Variants in GRAMD4 observed in about 807,000 individuals in gnomAD.
The protein encoded by GRAMD4 is GRAM domain-containing protein 4.
In GRAMD4, 25 loss-of-function variants were observed where a neutral mutation model predicts 83.9. That is an observed-to-expected ratio of 0.30 (90% CI 0.22 to 0.42). The LOEUF (loss-of-function observed/expected upper bound fraction) is 0.42. Among genes scored for constraint, GRAMD4 ranks in the 10% least tolerant of loss-of-function variants. The pLI is 1.00. For synonymous variants in GRAMD4, 336 were observed against 320.9 expected (o/e 1.05, Z -0.50); for missense variants, 593 against 788.7 (o/e 0.75, Z 2.97).
At chr22:46,674,007 A>T (rs552388812) in intron 15 of GRAMD4, among the ~76,000 whole-genome samples, 193 bp downstream of exon 15, 1 of 152,324 alleles carries the variant, frequency 6.6e-6, no homozygotes, top group African/African-American at 2.4e-5. Flanking sequence ...GCTACAGGGG[A>T]GGAGGGCGTG....
At chr22:46,600,465 C>G (rs1406436675) in intron 1 of GRAMD4, among the ~76,000 whole-genome samples, 1 of 152,200 alleles carries the variant, frequency 6.6e-6, no homozygotes, top group Non-Finnish European at 1.5e-5. Flanking sequence ...TGGCTTCATT[C>G]CCGTGATGAG....
downstream of GRAMD4, among the ~76,000 whole-genome samples, chr22:46,680,565 T>TCCGC (rs2082656221): frequency 8.9e-6 from 1 of 112,270 alleles, no homozygotes; most frequent in Non-Finnish European, 1.9e-5. Context: ...CGTCCGTCCG[T>TCCGC]CCATCCATCC....
intron 13 of GRAMD4, among the ~76,000 whole-genome samples, chr22:46,669,182 G>A (rs185071434): frequency 3.0e-4 from 45 of 152,298 alleles, no homozygotes; most frequent in African/African-American, 1.0e-3. Context: ...ACCCAGGATA[G>A]CAGGACTTGG....
chr22:46,672,835 G>T lies in GRAMD4; in HGVS notation c.1085-8G>T. 3.1e-6 allele frequency: 5 copies of T among 1,609,306 alleles called. No individual in the cohort carries two copies. Among genetic ancestry groups the T allele is most frequent in the Non-Finnish European group, 4.2e-6 (5 of 1,177,046 alleles). On this transcript the variant is annotated splice_region_variant and splice_polypyrimidine_tract_variant and intron_variant, in intron 13 of 18. Coordinates refer to ENST00000406902, the MANE Select transcript of GRAMD4 (RefSeq NM_015124.5). The surrounding 1 kb of genome is among the most constrained non-coding windows in gnomAD (Gnocchi z 4.7). ...CTAGATGGAGCAGGCTGTGTCCCCTGCCCTCAGGACTCTATGCTGGTATCA... is the reference window on the plus strand; with the variant it reads ...CTAGATGGAGCAGGCTGTGTCCCCTTCCCTCAGGACTCTATGCTGGTATCA...
chr22:46,607,900 G>A (rs373671571), intron 1 of GRAMD4, among the ~76,000 whole-genome samples: 36 of 152,262 alleles, frequency 2.4e-4, no homozygotes, highest in South Asian at 1.7e-3. Context: ...CTGCGGTGCC[G>A]CGACTGCTCC....
In GRAMD4 at chr22:46,596,331, G is replaced by C. The variant is rs1008848440; in HGVS notation, c.-50+19041G>C. Among the ~76,000 whole-genome samples, 14 of 152,266 alleles carry C rather than the reference G, an allele frequency of 9.2e-5. 1 individual carries two copies. Among genetic ancestry groups the C allele is most frequent in the Admixed American group, 6.5e-5 (1 of 15,292 alleles). On this transcript the variant is annotated intron_variant, in intron 1 of 1. Coordinates refer to the GRAMD4 transcript ENST00000431155. Reference sequence around the variant, plus strand: ...AGACGTAAGTGTGGCCAGGATGACAGATGTCCCTGGCGGCCCTTTCTGCAG... The same window carrying C: ...AGACGTAAGTGTGGCCAGGATGACACATGTCCCTGGCGGCCCTTTCTGCAG...
At position 46,677,149 on chromosome 22, in the gene GRAMD4, G is replaced by A. The variant is rs148851544; in HGVS notation, c.1635G>A (p.Pro545=). The change falls in exon 19 of 19, where the codon CCG becomes CCA. Residue 545 remains proline, a splice_region_variant and synonymous_variant. Coordinates refer to ENST00000406902, the MANE Select transcript of GRAMD4 (RefSeq NM_015124.5). ...TGGTGGCATTTCTTCCCTGCCAGCC[G>A]CTCGTGTTTGGTGCCATGGTGCACA... The part of the protein sequence containing the change: ...IAVSTPSTQK[P]LVFGAMVHRD... 7.4e-6 allele frequency: 12 copies of A among 1,613,100 alleles called. No homozygotes were observed. The highest frequency in any genetic ancestry group is 8.5e-6 in the Non-Finnish European group (10 of 1,179,784).
intron 3 of GRAMD4, among the ~76,000 whole-genome samples, chr22:46,648,815 G>GATGC (rs2082117010): frequency 1.5e-5 from 2 of 132,840 alleles, no homozygotes; most frequent in African/African-American, 6.1e-5. Context: ...TGGATGGATG[G>GATGC]ATGGATGGAT....
chr22:46,677,315 T>C lies in GRAMD4; in HGVS notation c.*64T>C. 1 of 1,496,672 alleles carries C rather than the reference T, an allele frequency of 6.7e-7. No homozygotes were observed. The allele number at this position is 1,496,672 out of a possible 1,614,324, so 92.7% of individuals were successfully genotyped here. On this transcript the variant is annotated 3_prime_UTR_variant, in exon 19 of 19. Transcript: ENST00000406902. ...CTTTTTCTTTTTCTTTTTTTTTTTT[T>C]ACGATTTGGTAGTGGAAACAATTGG...
intron 2 of GRAMD4, among the ~76,000 whole-genome samples, chr22:46,629,196 G>A (rs562104619): frequency 6.6e-6 from 1 of 152,252 alleles, no homozygotes; most frequent in African/African-American, 2.4e-5. Flanking sequence ...TGCAGGTCAG[G>A]CACTGACTGC....
intron 11 of GRAMD4, 51 bp from the exon 12 acceptor site, chr22:46,668,638 T>TG (rs1555975664): frequency 4.5e-6 from 7 of 1,561,318 alleles, no homozygotes; most frequent in Non-Finnish European, 5.3e-6. Flanking sequence ...GCGGTGTGAC[T>TG]GACAGCCCAG....
At chr22:46,590,175 C>T (rs1278982602) in intron 1 of GRAMD4, among the ~76,000 whole-genome samples, 2 of 152,222 alleles carry the variant, frequency 1.3e-5, no homozygotes, top group African/African-American at 4.8e-5. Context: ...GCTACTGGGC[C>T]GCCTGGACAG....
At chr22:46,640,435 A>G (rs539536035) in intron 3 of GRAMD4, among the ~76,000 whole-genome samples, 4 of 152,184 alleles carry the variant, frequency 2.6e-5, no homozygotes, top group Non-Finnish European at 4.4e-5. Context: ...CAAAATGGAG[A>G]CAGCTGAACC....
At position 46,664,449 on chromosome 22, in the gene GRAMD4, G is replaced by A. The variant is rs182060807; in HGVS notation, c.717+332G>A. 3.2e-3 allele frequency among the ~76,000 whole-genome samples: 489 copies of A among 151,538 alleles called. 1 individual carries two copies. The highest frequency in any genetic ancestry group is 9.7e-3 in the Admixed American group (148 of 15,250). On this transcript the variant is annotated intron_variant, in intron 8 of 18. Coordinates refer to ENST00000406902, the MANE Select transcript of GRAMD4 (RefSeq NM_015124.5). ...TGCAGTGCGGTGGCCACGCTGCTGA[G>A]GTCCACAGAGTACCTGGTGCTGGGG...
At chr22:46,595,661 C>G (rs1024756422) in intron 1 of GRAMD4, among the ~76,000 whole-genome samples, 1 of 152,244 alleles carries the variant, frequency 6.6e-6, no homozygotes, top group African/African-American at 2.4e-5. Flanking sequence ...CACCCAGCCA[C>G]CAGAACAGCC....
Position 46,679,244 on chromosome 22 carries a change from AG to A in GRAMD4, c.*1997del, listed in dbSNP as rs1218500716. On this transcript the variant is annotated 3_prime_UTR_variant, in exon 19 of 19. Coordinates refer to ENST00000406902, the MANE Select transcript of GRAMD4 (RefSeq NM_015124.5). Reference sequence around the variant, plus strand: ...GGATTCAGTCCCCAAACACAGCGGGAGGGGTCCCTGGGGCAGATGGGGCTTT... The same window carrying A: ...GGATTCAGTCCCCAAACACAGCGGGAGGGTCCCTGGGGCAGATGGGGCTTT... 55 of 985,350 alleles carry A rather than the reference AG, an allele frequency of 5.6e-5. No individual in the cohort carries two copies. The highest frequency in any genetic ancestry group is 6.6e-5 in the Non-Finnish European group (55 of 829,958). 61.0% of individuals were successfully genotyped at this position (985,350 alleles called of 1,614,324 possible).
At chr22:46,656,864 G>A (rs2082251806) in intron 3 of GRAMD4, among the ~76,000 whole-genome samples, 1 of 152,226 alleles carries the variant, frequency 6.6e-6, no homozygotes, top group Non-Finnish European at 1.5e-5. Context: ...TGTGGTCTGT[G>A]CAGTTGAAGT....
At chr22:46,664,225 T>G in intron 8 of GRAMD4, 108 bp downstream of exon 8, 1 of 785,150 alleles carries the variant, frequency 1.3e-6, no homozygotes, top group Non-Finnish European at 2.3e-6. Context: ...CAGGTGGCAC[T>G]TCCTCAGGCC....
rs3209569 is a variant in GRAMD4 at position 46,678,212 on chromosome 22, C to G, written c.*961C>G. On this transcript the variant is annotated 3_prime_UTR_variant, in exon 19 of 19. Coordinates refer to ENST00000406902, the MANE Select transcript of GRAMD4 (RefSeq NM_015124.5). ...GGGGGAGGAAGTGGGGAGGAGTGTT[C>G]CGGGACCATGGTGGCCCAGGCTGCA... The G allele has an allele frequency of 0.13, 123,847 of 985,368 alleles. 7,847 individuals are homozygous for G. The highest frequency in any genetic ancestry group is 0.19 in the Middle Eastern group (359 of 1,912). 61.0% of individuals were successfully genotyped at this position (985,368 alleles called of 1,614,324 possible).
Sources: gnomAD v4.1 joint callset for allele counts (sites outside exome capture counted in the v4.1 genomes callset) on GRCh38, gnomAD v4.1.1 for gene constraint, Gnocchi (gnomAD v3.1) non-coding constraint, MANE v1.5 for transcripts, NCBI Gene and HGNC (gene_info 2026-07-23, HGNC 2026-07-21) for gene names.